SLC25A48: variants seen among roughly 807,000 people sequenced by gnomAD.
SLC25A48 encodes CTC-321K16.1.
Under a neutral mutation model 32.2 loss-of-function variants are expected in SLC25A48, and 29 were observed. That is an observed-to-expected ratio of 0.90 (90% confidence interval 0.67 to 1.23). The LOEUF is 1.23. Ranked by LOEUF, SLC25A48 falls within the 50% of genes most tolerant of loss-of-function variation. The pLI, the probability that SLC25A48 is intolerant of heterozygous loss-of-function variation, is 0.00. For missense variants in SLC25A48, 399 were observed against 422.7 expected, an observed-to-expected ratio of 0.94 and a Z score of 0.49; for synonymous variants, 164 against 172.3, an observed-to-expected ratio of 0.95 and a Z score of 0.38.
At position 135,880,246 on chromosome 5, in the gene SLC25A48, G is replaced by A. The variant is rs551685165; in HGVS notation, c.*7+149G>A. 1.4e-4 allele frequency: 167 copies of A among 1,185,120 alleles called. No homozygotes were observed. In the African/African-American group the frequency reaches 1.8e-3, roughly 12 times the overall value. The allele number at this position is 1,185,120 out of a possible 1,614,324, so 73.4% of individuals were successfully genotyped here. On this transcript the variant is annotated intron_variant, in intron 7 of 7. Transcript: ENST00000681962. ...GTAGGCTGGGGCTGCCACCCTTTTC[G>A]TCACCAAACAGCAGTTCAGAAATGC...
Position 135,762,630 on chromosome 5 carries a change from G to A in SLC25A48, c.-520-49893G>A, listed in dbSNP as rs79540555. On this transcript the variant is annotated intron_variant, in intron 3 of 10. Coordinates refer to the SLC25A48 transcript ENST00000646290. ...GGGGATGTGTCCACAGTGAGTGTGC[G>A]GGTAACTATGAAAGAATGGGAGTGT... Among the ~76,000 whole-genome samples the A allele has an allele frequency of 1.6e-4, 25 of 152,170 alleles. No homozygotes were observed. The East Asian group carries it at 3.7e-3, about 22-fold the overall frequency.
intron 6 of SLC25A48, among the ~76,000 whole-genome samples, chr5:135,878,660 G>A (rs1762220706): frequency 6.6e-6 from 1 of 152,164 alleles, no homozygotes; most frequent in African/African-American, 2.4e-5. Context: ...TGATACCACA[G>A]TGCCCAGAGA....
chr5:135,652,689 C>T (rs1477199594), intron 3 of SLC25A48, among the ~76,000 whole-genome samples: 2 of 152,168 alleles, frequency 1.3e-5, no homozygotes, highest in Non-Finnish European at 2.9e-5. Flanking sequence ...GTTATTTCCC[C>T]ATAGCCAGAA....
intron 1 of SLC25A48, among the ~76,000 whole-genome samples, chr5:135,595,824 T>G (rs950429078): frequency 6.6e-5 from 10 of 152,242 alleles, no homozygotes; most frequent in African/African-American, 2.4e-4. Flanking sequence ...TCCATACCTG[T>G]TAACTGTCAT....
chr5:135,738,647 C>T (rs1009340934), intron 3 of SLC25A48, among the ~76,000 whole-genome samples: 7 of 152,200 alleles, frequency 4.6e-5, no homozygotes, highest in Non-Finnish European at 1.0e-4. Flanking sequence ...ATCTGTGAGA[C>T]GAGTGCTCCG....
intron 4 of SLC25A48, among the ~76,000 whole-genome samples, chr5:135,866,990 T>C (rs960792911): frequency 2.6e-5 from 4 of 152,206 alleles, no homozygotes; most frequent in Admixed American, 6.5e-5. Context: ...CAGCAGTTTT[T>C]GAGGTACGTA....
chr5:135,620,528 G>A (rs1279481329), intron 1 of SLC25A48, among the ~76,000 whole-genome samples: 1 of 152,114 alleles, frequency 6.6e-6, no homozygotes, highest in African/African-American at 2.4e-5. Context: ...TTCATAGGGG[G>A]TTGCAATCTT....
At chr5:135,820,306 A>G (rs1260476644) in intron 4 of SLC25A48, among the ~76,000 whole-genome samples, 1 of 152,222 alleles carries the variant, frequency 6.6e-6, no homozygotes, top group East Asian at 1.9e-4. Context: ...ACTAGGCACA[A>G]AAGAACATGC....
intron 3 of SLC25A48, among the ~76,000 whole-genome samples, chr5:135,786,013 G>A (rs1580877173): frequency 6.6e-6 from 1 of 151,168 alleles, no homozygotes; most frequent in African/African-American, 2.4e-5. Context: ...TGGATCCAGT[G>A]GGGGAGACGG....
intron 3 of SLC25A48, among the ~76,000 whole-genome samples, chr5:135,758,398 A>C (rs1328604163): frequency 2.0e-5 from 3 of 150,852 alleles, no homozygotes. Context: ...TATTAATAGA[A>C]TATTATCTAT....
intron 3 of SLC25A48, among the ~76,000 whole-genome samples, chr5:135,709,234 C>T (rs962531423): frequency 6.6e-6 from 1 of 152,222 alleles, no homozygotes; most frequent in African/African-American, 2.4e-5. Context: ...GTGGCAGAAC[C>T]TGAGAACTGG....
chr5:135,782,642 G>T lies in SLC25A48; in HGVS notation c.-520-29881G>T, dbSNP rs1451794215. On this transcript the variant is annotated intron_variant, in intron 3 of 10. Transcript: ENST00000646290. ...AAGATATTACTCCCACTATCGAAAA[G>T]GCTGTATACCCCTCCCGTGATATCG... Among the ~76,000 whole-genome samples the T allele has an allele frequency of 1.4e-4, 16 of 116,538 alleles. 6 individuals carry two copies. Among genetic ancestry groups the T allele is most frequent in the Non-Finnish European group, 3.4e-4 (16 of 47,086 alleles). 76.5% of individuals were successfully genotyped at this position (116,538 alleles called of 152,430 possible). A position where few individuals can be genotyped will look rare whatever the true frequency, so the allele number is the denominator to read the frequency against.
intron 3 of SLC25A48, among the ~76,000 whole-genome samples, chr5:135,647,039 T>C (rs1210568684): frequency 6.6e-6 from 1 of 152,062 alleles, no homozygotes; most frequent in African/African-American, 2.4e-5. Context: ...TATGAGATGA[T>C]GGATATGTTA....
chr5:135,799,491 C>T (rs1757268964), intron 3 of SLC25A48, among the ~76,000 whole-genome samples: 1 of 151,316 alleles, frequency 6.6e-6, no homozygotes, highest in Non-Finnish European at 1.5e-5. Flanking sequence ...GATATTGTTC[C>T]CAATATCCAG....
At chr5:135,633,845 A>G (rs1752635918) in intron 2 of SLC25A48, among the ~76,000 whole-genome samples, 1 of 152,216 alleles carries the variant, frequency 6.6e-6, no homozygotes, top group Non-Finnish European at 1.5e-5. Context: ...TTGTTTGCTC[A>G]ATTTTAAAAT....
At chr5:135,830,551 G>A (rs1467623899), upstream of SLC25A48, among the ~76,000 whole-genome samples, 1 of 152,184 alleles carries the variant, frequency 6.6e-6, no homozygotes, top group Non-Finnish European at 1.5e-5. Flanking sequence ...AGCTGAACAG[G>A]TGATGGGCCA....
intron 3 of SLC25A48, among the ~76,000 whole-genome samples, chr5:135,779,204 T>C (rs1756657539): frequency 6.6e-6 from 1 of 151,854 alleles, no homozygotes; most frequent in African/African-American, 2.4e-5. Flanking sequence ...TTACCCCCAA[T>C]ATTGCATGGG....
intron 3 of SLC25A48, among the ~76,000 whole-genome samples, chr5:135,769,804 A>C (rs1037956738): frequency 2.0e-5 from 3 of 151,058 alleles, no homozygotes; most frequent in Non-Finnish European, 4.4e-5. Context: ...GGATGATATT[A>C]CTCCCAACAT....
chr5:135,864,083 A>G (rs1007948455), intron 4 of SLC25A48, among the ~76,000 whole-genome samples: 3 of 152,348 alleles, frequency 2.0e-5, no homozygotes, highest in East Asian at 1.9e-4. Context: ...ATTTCTGGAC[A>G]TGACAAGAGC....
Sources: gnomAD v4.1 joint callset for allele counts (sites outside exome capture counted in the v4.1 genomes callset) on GRCh38, gnomAD v4.1.1 for gene constraint, MANE v1.5 for transcripts, NCBI Gene and HGNC (gene_info 2026-07-23, HGNC 2026-07-21) for gene names.